Variants in SLC4A10 observed in about 807,000 individuals in gnomAD.
SLC4A10 encodes the protein sodium-driven chloride bicarbonate exchanger.
SLC4A10 carries 42 observed loss-of-function variants against 137.7 expected under a neutral mutation model. That is an observed-to-expected ratio of 0.30 (90% CI 0.24 to 0.39). The LOEUF is 0.39. SLC4A10 is among the 10% of genes least tolerant of loss of function. The pLI, the probability that SLC4A10 is intolerant of heterozygous loss-of-function variation, is 1.00. For synonymous variants in SLC4A10, 474 were observed against 464.1 expected, an observed-to-expected ratio of 1.02 and a Z score of -0.27; for missense variants, 925 against 1,355.0, an observed-to-expected ratio of 0.68 and a Z score of 4.98.
chr2:161,796,057 A>G lies in SLC4A10; in HGVS notation c.131-8392A>G, dbSNP rs796231186. On this transcript the variant is annotated intron_variant, in intron 2 of 26. Coordinates refer to ENST00000446997, the MANE Select transcript of SLC4A10 (RefSeq NM_001178015.2). ...TGGTTCTTAATTTGCCTGCCCATTG[A>G]GATATTGGTCATAAGTTAACATTTT... Among the ~76,000 whole-genome samples, 20 of 152,202 alleles carry G rather than the reference A, an allele frequency of 1.3e-4. No individual in the cohort carries two copies. The East Asian group carries it at 3.1e-3, about 24-fold the overall frequency.
chr2:161,951,431 T>C (rs953446480), intron 19 of SLC4A10, among the ~76,000 whole-genome samples: 10 of 152,190 alleles, frequency 6.6e-5, no homozygotes, highest in African/African-American at 2.4e-4. Flanking sequence ...GACCTTGCCA[T>C]TTTGCAATTG....
chr2:161,768,420 G>A lies in SLC4A10; in HGVS notation c.49-2553G>A, dbSNP rs142421845. 2.3e-3 allele frequency among the ~76,000 whole-genome samples: 354 copies of A among 152,102 alleles called. 1 individual carries two copies. Among genetic ancestry groups the A allele is most frequent in the African/African-American group, 8.0e-3 (333 of 41,540 alleles). On this transcript the variant is annotated intron_variant, in intron 1 of 26. Coordinates refer to ENST00000446997, the MANE Select transcript of SLC4A10 (RefSeq NM_001178015.2). ...CCAGTGCACACTCATTCTGGTAAAA[G>A]ATGGTAGGTCTCTTTGGGGAAGGCT... is the stretch of plus-strand genomic sequence containing the variant.
intron 2 of SLC4A10, among the ~76,000 whole-genome samples, chr2:161,781,553 A>G (rs1480680642): frequency 6.6e-6 from 1 of 152,072 alleles, no homozygotes; most frequent in African/African-American, 2.4e-5. Flanking sequence ...ATCATGTTTA[A>G]TTATAGTACT....
chr2:161,745,787 G>C (rs569870032), intron 1 of SLC4A10, among the ~76,000 whole-genome samples: 10 of 152,160 alleles, frequency 6.6e-5, no homozygotes, highest in African/African-American at 2.2e-4. Flanking sequence ...CTGCATTAGG[G>C]GAAACACCAA....
chr2:161,759,778 A>G (rs951289165), intron 1 of SLC4A10, among the ~76,000 whole-genome samples: 2 of 151,908 alleles, frequency 1.3e-5, no homozygotes, highest in Non-Finnish European at 2.9e-5. Context: ...TACCAGATAC[A>G]TGGTTTGCAA....
intron 4 of SLC4A10, among the ~76,000 whole-genome samples, chr2:161,851,659 T>G (rs1485092060): frequency 1.3e-5 from 2 of 152,144 alleles, no homozygotes; most frequent in East Asian, 3.9e-4. Context: ...ACTATAAATT[T>G]TATTATAAGA....
At chr2:161,745,257 A>G (rs2048283821) in intron 1 of SLC4A10, among the ~76,000 whole-genome samples, 1 of 151,700 alleles carries the variant, frequency 6.6e-6, no homozygotes, top group Non-Finnish European at 1.5e-5. Context: ...TTATTTTTTC[A>G]TCTTCTGACT....
At chr2:161,799,470 C>T (rs2055152365) in intron 2 of SLC4A10, among the ~76,000 whole-genome samples, 1 of 151,726 alleles carries the variant, frequency 6.6e-6, no homozygotes, top group African/African-American at 2.4e-5. Context: ...TTCTCTAGTT[C>T]TTTAGGCCAG....
chr2:161,832,758 TCAGA>T (rs1038120651), intron 3 of SLC4A10, among the ~76,000 whole-genome samples: 7 of 151,294 alleles, frequency 4.6e-5, no homozygotes, highest in African/African-American at 1.7e-4. Flanking sequence ...GTTTTGTTTT[TCAGA>T]CAGAGTCTCA....
chr2:161,903,027 A>T (rs1186814123), intron 12 of SLC4A10, among the ~76,000 whole-genome samples: 4 of 152,294 alleles, frequency 2.6e-5, no homozygotes, highest in Non-Finnish European at 5.9e-5. Context: ...TCACATCATT[A>T]TTCCATGGAG....
chr2:161,893,486 A>G (rs56145776), intron 10 of SLC4A10, among the ~76,000 whole-genome samples: 2,568 of 152,218 alleles, frequency 0.017, 77 homozygotes, highest in African/African-American at 0.059. Context: ...GTTTGGGGCC[A>G]GGAGTTCAAG....
chr2:161,769,140 G>A (rs755991758), intron 1 of SLC4A10, among the ~76,000 whole-genome samples: 6 of 151,830 alleles, frequency 4.0e-5, no homozygotes, highest in African/African-American at 9.7e-5. Context: ...TGTTTTAGCC[G>A]ACTAACCAAA....
chr2:161,949,117 T>C, intron 17 of SLC4A10, 31 bp from the exon 18 acceptor site: 1 of 1,445,420 alleles, frequency 6.9e-7, no homozygotes, highest in Non-Finnish European at 9.7e-7. Flanking sequence ...TTATAGCTAC[T>C]TTAAGTGACA....
intron 4 of SLC4A10, among the ~76,000 whole-genome samples, chr2:161,845,222 G>C (rs2059418230): frequency 6.6e-6 from 1 of 152,084 alleles, no homozygotes; most frequent in South Asian, 2.1e-4. Context: ...AGAAAAGAGA[G>C]ATATAGTTAT....
At chr2:161,830,374 A>G (rs2058355920) in intron 3 of SLC4A10, among the ~76,000 whole-genome samples, 1 of 152,074 alleles carries the variant, frequency 6.6e-6, no homozygotes. Context: ...ATCCATTTTC[A>G]TAACATGCCA....
At chr2:161,706,905 C>T (rs2043734550) in intron 1 of SLC4A10, among the ~76,000 whole-genome samples, 1 of 151,540 alleles carries the variant, frequency 6.6e-6, no homozygotes. Flanking sequence ...TATAACAAAA[C>T]ATGCTTGTTT....
intron 1 of SLC4A10, among the ~76,000 whole-genome samples, chr2:161,767,139 A>ATATATATATATATG (rs1362865580): frequency 5.3e-5 from 3 of 57,124 alleles, no homozygotes; most frequent in South Asian, 9.2e-4. Flanking sequence ...ATATATATAT[A>ATATATATATATATG]TGTGTGTGTG....
At chr2:161,901,949 T>C (rs1683211275) in intron 12 of SLC4A10, 2 of 427,800 alleles carry the variant, frequency 4.7e-6, no homozygotes, top group Non-Finnish European at 9.2e-6. Context: ...TTTTTTTCTC[T>C]TTCTCAGGTG....
chr2:161,837,268 G>A (rs2058877759), intron 3 of SLC4A10, among the ~76,000 whole-genome samples: 1 of 151,956 alleles, frequency 6.6e-6, no homozygotes, highest in African/African-American at 2.4e-5. Flanking sequence ...AAGGATACAA[G>A]GTCACATGAA....
Sources: allele counts gnomAD v4.1 joint callset (sites outside exome capture counted in the v4.1 genomes callset), GRCh38; gene constraint gnomAD v4.1.1; transcripts MANE v1.5; gene names NCBI Gene and HGNC (gene_info 2026-07-23, HGNC 2026-07-21).